Variants in NDST4 observed in about 807,000 individuals in gnomAD.
NDST4 encodes the protein N-deacetylase and N-sulfotransferase 4.
Under a neutral mutation model 100.8 loss-of-function variants are expected in NDST4, and 63 were observed. The observed-to-expected ratio is 0.62, with a 90% CI of 0.51 to 0.77. The LOEUF is 0.77. NDST4 is among the 30% of genes least tolerant of loss of function. The pLI, the probability that NDST4 is intolerant of heterozygous loss-of-function variation, is 0.00. For missense variants in NDST4, 943 were observed against 1,018.4 expected (o/e 0.93, Z 1.01); for synonymous variants, 377 against 361.8 (o/e 1.04, Z -0.48).
At chr4:115,072,817 G>A (rs754379220) in intron 2 of NDST4, among the ~76,000 whole-genome samples, 6 of 151,732 alleles carry the variant, frequency 4.0e-5, no homozygotes, top group Non-Finnish European at 7.4e-5. Flanking sequence ...AGCAACAAAA[G>A]TAAAAAAACC....
intron 1 of NDST4, among the ~76,000 whole-genome samples, chr4:115,080,573 A>C (rs1455787519): frequency 6.6e-6 from 1 of 152,188 alleles, no homozygotes; most frequent in Non-Finnish European, 1.5e-5. Flanking sequence ...TTTGGTCTGA[A>C]ATATATAAAG....
At position 114,973,597 on chromosome 4, in the gene NDST4, C is replaced by T. The variant is rs531032006; in HGVS notation, c.1067-3013G>A. ...AATGTTTTAATTCAGAAGTAAAATA[C>T]ATGAAGTTTGTTTCTTTACTATCAC... On this transcript the variant is annotated intron_variant, in intron 3 of 13. Transcript: ENST00000264363. 7.9e-5 allele frequency among the ~76,000 whole-genome samples: 12 copies of T among 151,770 alleles called. No individual in the cohort carries two copies. In the East Asian group the frequency reaches 2.3e-3, roughly 29 times the overall value.
chr4:115,076,839 T>G lies in NDST4; in HGVS notation c.198A>C (p.Lys66Asn). 6.2e-7 allele frequency: 1 copy of G among 1,613,886 alleles called. No individual in the cohort carries two copies. Among genetic ancestry groups the G allele is most frequent in the South Asian group, 1.1e-5 (1 of 91,070 alleles). Residue 66 changes from lysine to asparagine, a missense_variant, in exon 2 of 14, where the codon AAA becomes AAC. Lys to Asn is a moderately conservative substitution (Grantham distance 94, BLOSUM62 0). Coordinates refer to ENST00000264363, the MANE Select transcript of NDST4 (RefSeq NM_022569.3). Reference sequence around the variant, plus strand: ...TGGATGTGTCAATAGGTTTAACTGTTTTCAGCTCCATTGACCTATATGGTA... The same window carrying G: ...TGGATGTGTCAATAGGTTTAACTGTGTTCAGCTCCATTGACCTATATGGTA... ...KILPYRSMEL[K>N]TVKPIDTSKT...
At chr4:115,003,245 AAAG>A (rs1270609931) in intron 2 of NDST4, among the ~76,000 whole-genome samples, 2 of 152,180 alleles carry the variant, frequency 1.3e-5, no homozygotes, top group Admixed American at 6.6e-5. Flanking sequence ...TTAAAGTTAA[AAAG>A]AAGAAGAAAA....
chr4:114,860,476 C>T (rs1723895435), intron 7 of NDST4, among the ~76,000 whole-genome samples: 2 of 152,120 alleles, frequency 1.3e-5, no homozygotes, highest in African/African-American at 4.8e-5. Flanking sequence ...GAAAGTGAGA[C>T]AAAATGATAT....
At chr4:115,041,298 T>G (rs1728347035) in intron 2 of NDST4, among the ~76,000 whole-genome samples, 1 of 152,070 alleles carries the variant, frequency 6.6e-6, no homozygotes, top group Admixed American at 6.6e-5. Context: ...CAGAGCATGT[T>G]AAAGGACAGA....
intron 2 of NDST4, among the ~76,000 whole-genome samples, chr4:115,022,479 C>CATATATATGTTCCATAT (rs1560570272): frequency 2.8e-4 from 39 of 137,562 alleles, no homozygotes; most frequent in South Asian, 1.1e-3. Context: ...ATATGTGTTC[C>CATATATATGTTCCATAT]ATATATATGT....
chr4:114,964,562 T>C (rs1726338706), intron 4 of NDST4, among the ~76,000 whole-genome samples: 1 of 152,220 alleles, frequency 6.6e-6, no homozygotes, highest in African/African-American at 2.4e-5. Flanking sequence ...CCTCAAGATC[T>C]TGTTCAATTT....
At chr4:115,095,285 C>G (rs1402061121) in intron 1 of NDST4, among the ~76,000 whole-genome samples, 2 of 152,086 alleles carry the variant, frequency 1.3e-5, no homozygotes, top group Non-Finnish European at 2.9e-5. Context: ...TATTCCCTAC[C>G]CTCTCTTTTT....
chr4:114,982,634 C>T (rs948636473), intron 2 of NDST4, among the ~76,000 whole-genome samples: 27 of 152,106 alleles, frequency 1.8e-4, no homozygotes, highest in Admixed American at 1.7e-3. Flanking sequence ...GAAAAAATTG[C>T]AGCCTGACCA....
At chr4:115,015,339 T>G (rs1408986702) in intron 2 of NDST4, among the ~76,000 whole-genome samples, 1 of 152,086 alleles carries the variant, frequency 6.6e-6, no homozygotes, top group African/African-American at 2.4e-5. Flanking sequence ...GGTGCAGCAC[T>G]ATAGGCTCTT....
intron 2 of NDST4, among the ~76,000 whole-genome samples, chr4:115,012,822 A>G (rs1727583567): frequency 6.6e-6 from 1 of 152,076 alleles, no homozygotes; most frequent in Admixed American, 6.6e-5. Flanking sequence ...GATAAAGACA[A>G]TGTGGTACAT....
rs781211267 is a variant in NDST4 at position 115,007,775 on chromosome 4, C to T, written c.979-30501G>A. The stretch of plus-strand genomic sequence containing the variant: ...ACAGGAAGACTTTCTGGAATATGTT[C>T]AGCAGGTCCAAGCATTTCCCTTTGC... On this transcript the variant is annotated intron_variant, in intron 2 of 13. Coordinates refer to ENST00000264363, the MANE Select transcript of NDST4 (RefSeq NM_022569.3). Among the ~76,000 whole-genome samples the T allele has an allele frequency of 1.3e-4, 17 of 129,292 alleles. 4 individuals carry two copies. Among genetic ancestry groups the T allele is most frequent in the Non-Finnish European group, 2.5e-4 (15 of 60,350 alleles). The allele number at this position is 129,292 out of a possible 152,430, so 84.8% of individuals were successfully genotyped here.
rs536209693 is a variant in NDST4, at chr4:115,042,948, G to C, written c.978+33111C>G. On this transcript the variant is annotated intron_variant, in intron 2 of 13. Coordinates refer to ENST00000264363, the MANE Select transcript of NDST4 (RefSeq NM_022569.3). ...AAGCTTAACAATACTAGCATATGTT[G>C]TGCCTGACAGATGTCTCTGTGTTTT... is the stretch of plus-strand genomic sequence containing the variant. 1.3e-4 allele frequency among the ~76,000 whole-genome samples: 19 copies of C among 151,974 alleles called. No individual in the cohort carries two copies. The South Asian group carries it at 3.3e-3, about 27-fold the overall frequency.
rs1725118746 is a variant in NDST4, at chr4:114,914,065, T to A, written c.1536+21141A>T. On this transcript the variant is annotated intron_variant, in intron 6 of 13. Transcript: ENST00000264363. ...TGAAACTGGAGGTCATTATGCTGAG[T>A]GAAATAAGCTAGGCACAGAAAAACA... Among the ~76,000 whole-genome samples the A allele has an allele frequency of 2.6e-5, 4 of 151,972 alleles. No individual in the cohort carries two copies. In the South Asian group the frequency reaches 8.3e-4, roughly 32 times the overall value.
At chr4:115,025,890 T>C (rs1326198425) in intron 2 of NDST4, among the ~76,000 whole-genome samples, 2 of 152,166 alleles carry the variant, frequency 1.3e-5, no homozygotes, top group African/African-American at 4.8e-5. Flanking sequence ...ATAGATGGAA[T>C]CATTTCCTTA....
chr4:114,932,075 C>T (rs1725527625), intron 6 of NDST4, among the ~76,000 whole-genome samples: 1 of 151,730 alleles, frequency 6.6e-6, no homozygotes, highest in South Asian at 2.1e-4. Flanking sequence ...TTCTGACAAA[C>T]ATAGAGACAA....
intron 2 of NDST4, among the ~76,000 whole-genome samples, chr4:115,067,652 T>C (rs921738841): frequency 6.6e-6 from 1 of 152,028 alleles, no homozygotes; most frequent in African/African-American, 2.4e-5. Flanking sequence ...CTTAAACATA[T>C]TTTGACTGGA....
chr4:115,036,325 A>G (rs1451040573), intron 2 of NDST4, among the ~76,000 whole-genome samples: 1 of 151,064 alleles, frequency 6.6e-6, no homozygotes, highest in East Asian at 1.9e-4. Flanking sequence ...ACTGGTTGTC[A>G]TGGTTTACAG....
Sources: gnomAD v4.1 joint callset for allele counts (sites outside exome capture counted in the v4.1 genomes callset) on GRCh38, gnomAD v4.1.1 for gene constraint, MANE v1.5 for transcripts, NCBI Gene and HGNC (gene_info 2026-07-23, HGNC 2026-07-21) for gene names.